The following BCAR3 variants were observed in gnomAD, a reference collection of about 807,000 sequenced individuals.
The protein encoded by BCAR3 is breast cancer anti-estrogen resistance protein 3.
A neutral mutation model predicts 80.1 loss-of-function variants in BCAR3; 37 were observed. That is an observed-to-expected ratio of 0.46 (90% CI 0.36 to 0.61). BCAR3 has a LOEUF of 0.61. BCAR3 is among the 20% of genes least tolerant of loss of function. The probability of loss-of-function intolerance (pLI) is 0.00; values close to 1 mark genes in which losing one functional copy is unlikely to be tolerated. For synonymous variants in BCAR3, 389 were observed against 418.9 expected, an observed-to-expected ratio of 0.93 and a Z score of 0.87; for missense variants, 978 against 1,068.2, an observed-to-expected ratio of 0.92 and a Z score of 1.18.
Position 93,592,222 on chromosome 1 carries a change from T to C in BCAR3, c.486+43A>G. 1 of 1,611,218 alleles carries C rather than the reference T, an allele frequency of 6.2e-7. No homozygotes were observed. The highest frequency in any genetic ancestry group is 1.1e-5 in the South Asian group (1 of 90,980). On this transcript the variant is annotated intron_variant, in intron 4 of 11. Coordinates refer to ENST00000260502, the MANE Select transcript of BCAR3 (RefSeq NM_003567.4). The surrounding 1 kb of genome is among the most constrained non-coding windows in gnomAD (Gnocchi z 4.8). Reference sequence around the variant, plus strand: ...GCGGGTCATCAATCTGTACATTGCCTGAGAGCAGCCGTGTATGCTCTGGAA... The same window carrying C: ...GCGGGTCATCAATCTGTACATTGCCCGAGAGCAGCCGTGTATGCTCTGGAA...
chr1:93,619,227 T>A (rs149944279), intron 3 of BCAR3, among the ~76,000 whole-genome samples: 54 of 152,060 alleles, frequency 3.6e-4, no homozygotes, highest in African/African-American at 1.3e-3. Context: ...ATTACAGGCG[T>A]GAGCCACTGT....
At chr1:93,746,512 T>C (rs1429546440) in intron 2 of BCAR3, among the ~76,000 whole-genome samples, 1 of 152,176 alleles carries the variant, frequency 6.6e-6, no homozygotes, top group Admixed American at 6.5e-5. Context: ...AGAGCAACTT[T>C]CTCAGAGCAG....
intron 2 of BCAR3, among the ~76,000 whole-genome samples, chr1:93,741,069 T>G (rs1188133060): frequency 6.6e-6 from 1 of 152,148 alleles, no homozygotes; most frequent in Admixed American, 6.5e-5. Context: ...AAGTGACCAG[T>G]GCCTAAATCT....
chr1:93,597,605 G>A (rs1013552263), intron 3 of BCAR3, among the ~76,000 whole-genome samples: 2 of 152,212 alleles, frequency 1.3e-5, no homozygotes, highest in South Asian at 2.1e-4. Context: ...GATTAAATGG[G>A]TCAACATCTG....
chr1:93,627,904 T>C (rs1216919194), intron 3 of BCAR3, among the ~76,000 whole-genome samples: 1 of 152,210 alleles, frequency 6.6e-6, no homozygotes, highest in African/African-American at 2.4e-5. Flanking sequence ...ATCTTACCTA[T>C]GGAGTAGACT....
intron 3 of BCAR3, among the ~76,000 whole-genome samples, chr1:93,692,366 C>T (rs1245347238): frequency 6.6e-6 from 1 of 152,094 alleles, no homozygotes; most frequent in African/African-American, 2.4e-5. Context: ...CTGAGGTTTC[C>T]AAATGGTAAG....
chr1:93,589,515 A>ATAGTAGC, intron 4 of BCAR3, 96 bp from the exon 5 acceptor site: 1 of 1,044,648 alleles, frequency 9.6e-7, no homozygotes, highest in Non-Finnish European at 1.4e-6. Context: ...AACAGAAGAC[A>ATAGTAGC]ATGCTACTAT....
rs369232799 is a variant in BCAR3 at position 93,567,274 on chromosome 1, C to G, written c.2299+5G>C. ...AGAGAACAGCTTACAAAACCCATCT[C>G]TTACCTGCCAGGATCCTCTCAGCAT... On this transcript the variant is annotated splice_donor_5th_base_variant and intron_variant, in intron 11 of 11. Coordinates refer to ENST00000260502, the MANE Select transcript of BCAR3 (RefSeq NM_003567.4). The G allele has an allele frequency of 1.9e-5, 30 of 1,613,588 alleles. No individual in the cohort carries two copies. The highest frequency in any genetic ancestry group is 2.3e-5 in the Non-Finnish European group (27 of 1,179,998).
Position 93,597,636 on chromosome 1 carries a change from T to C in BCAR3, c.358-5243A>G, listed in dbSNP as rs548655433. On this transcript the variant is annotated intron_variant, in intron 3 of 11. Transcript: ENST00000260502. ...ATCTGGAAAGCACTAAGAACATCCC[T>C]GGCATGTAGTCAGCACTGTTAATTG... Among the ~76,000 whole-genome samples the C allele has an allele frequency of 6.6e-5, 10 of 152,332 alleles. No individual in the cohort carries two copies. The Middle Eastern group carries it at 0.01, about 155-fold the overall frequency.
At chr1:93,682,102 C>T (rs1648809869), upstream of BCAR3, among the ~76,000 whole-genome samples, 1 of 152,214 alleles carries the variant, frequency 6.6e-6, no homozygotes, top group Non-Finnish European at 1.5e-5. Flanking sequence ...CCCTTCCCCG[C>T]GTTATTTAAT....
At chr1:93,722,601 C>T (rs542240456) in intron 2 of BCAR3, among the ~76,000 whole-genome samples, 6 of 152,272 alleles carry the variant, frequency 3.9e-5, no homozygotes, top group South Asian at 2.1e-4. Context: ...TCACACGAGA[C>T]GTTGCCAGGT....
upstream of BCAR3, among the ~76,000 whole-genome samples, chr1:93,685,844 A>G (rs902607560): frequency 1.3e-5 from 2 of 152,180 alleles, no homozygotes; most frequent in African/African-American, 4.8e-5. Context: ...TATGAATTTC[A>G]GTGTAATTTT....
chr1:93,825,555 T>C (rs1190394448), intron 2 of BCAR3, among the ~76,000 whole-genome samples: 1 of 133,576 alleles, frequency 7.5e-6, no homozygotes, highest in African/African-American at 2.5e-5. Context: ...AAACAGGTCA[T>C]GCTCCCTGCC....
At chr1:93,566,752 G>C (rs1672968255) in intron 11 of BCAR3, among the ~76,000 whole-genome samples, 1 of 152,182 alleles carries the variant, frequency 6.6e-6, no homozygotes, top group South Asian at 2.1e-4. Context: ...GCCAATTCTT[G>C]TTCTGTTGCC....
intron 2 of BCAR3, among the ~76,000 whole-genome samples, chr1:93,739,657 A>G (rs2100694382): frequency 6.6e-6 from 1 of 152,302 alleles, no homozygotes; most frequent in Admixed American, 6.5e-5. Context: ...CTACATGTTC[A>G]TTGTGCACTG....
intron 2 of BCAR3, among the ~76,000 whole-genome samples, chr1:93,720,001 T>G (rs1425250132): frequency 6.6e-6 from 1 of 152,240 alleles, no homozygotes; most frequent in African/African-American, 2.4e-5. Flanking sequence ...CTTGAACTTC[T>G]GGGCTCATGT....
At chr1:93,724,623 C>T (rs1385219032) in intron 2 of BCAR3, among the ~76,000 whole-genome samples, 1 of 152,176 alleles carries the variant, frequency 6.6e-6, no homozygotes, top group Non-Finnish European at 1.5e-5. Flanking sequence ...TACCTGGCTC[C>T]CCTCCTGCCA....
chr1:93,833,572 G>A (rs1292027003), intron 2 of BCAR3, among the ~76,000 whole-genome samples: 1 of 152,076 alleles, frequency 6.6e-6, no homozygotes, highest in African/African-American at 2.4e-5. Context: ...AGCCTCCCCT[G>A]GGAATGCATT....
At chr1:93,663,099 T>C (rs549046606) in intron 2 of BCAR3, among the ~76,000 whole-genome samples, 21 of 152,268 alleles carry the variant, frequency 1.4e-4, no homozygotes, top group African/African-American at 5.1e-4. Flanking sequence ...GATTCTTGCT[T>C]CACATTTATC....
Sources: allele counts gnomAD v4.1 joint callset (sites outside exome capture counted in the v4.1 genomes callset), GRCh38; gene constraint gnomAD v4.1.1; non-coding constraint Gnocchi (gnomAD v3.1); transcripts MANE v1.5; gene names NCBI Gene and HGNC (gene_info 2026-07-23, HGNC 2026-07-21).